The following LRCH3 variants were observed in gnomAD, a reference collection of about 807,000 sequenced individuals.
The protein encoded by LRCH3 is DISP complex protein LRCH3.
LRCH3 carries 68 observed loss-of-function variants against 104.5 expected under a neutral mutation model. The ratio of observed to expected loss-of-function variants is 0.65; its 90% CI spans 0.54 to 0.80. The LOEUF is 0.80. Among genes scored for constraint, LRCH3 ranks in the 30% least tolerant of loss-of-function variants. The pLI, the probability that LRCH3 is intolerant of heterozygous loss-of-function variation, is 0.00. For synonymous variants in LRCH3, 344 were observed against 361.3 expected, an observed-to-expected ratio of 0.95 and a Z score of 0.54; for missense variants, 951 against 953.9, an observed-to-expected ratio of 1.00 and a Z score of 0.04.
chr3:197,792,588 T>TATATATATATATATATATATATATAC (rs1730690988), intron 1 of LRCH3, among the ~76,000 whole-genome samples: 1 of 62,214 alleles, frequency 1.6e-5, no homozygotes, highest in Non-Finnish European at 3.2e-5. Context: ...TATATATATA[T>TATATATATATATATATATATATATAC]ATATATATAT....
chr3:197,828,744 GT>G (rs1440276190), intron 5 of LRCH3, among the ~76,000 whole-genome samples: 1 of 85,478 alleles, frequency 1.2e-5, no homozygotes, highest in East Asian at 3.3e-4. Context: ...TTTTGCTCTT[GT>G]TGCCCAGGCC....
intron 9 of LRCH3, among the ~76,000 whole-genome samples, chr3:197,838,456 T>TGGA (rs553511663): frequency 5.0e-4 from 75 of 149,014 alleles, no homozygotes; most frequent in African/African-American, 1.8e-3. Context: ...TGCTATTTCT[T>TGGA]GGAAGTAGAT....
rs1329241871 is a variant in LRCH3 at position 197,856,747 on chromosome 3, A to C, written c.1645-2087A>C. Among the ~76,000 whole-genome samples, 1 of 152,158 alleles carries C rather than the reference A, an allele frequency of 6.6e-6. No homozygotes were observed. The highest frequency in any genetic ancestry group is 1.5e-5 in the Non-Finnish European group (1 of 68,026). Reference sequence around the variant, plus strand: ...ACTAGACTATAAGCTTCATGAACACAAGGATATTCTATTTTGTCTTAATGT... The same window carrying C: ...ACTAGACTATAAGCTTCATGAACACCAGGATATTCTATTTTGTCTTAATGT... On this transcript the variant is annotated intron_variant, in intron 14 of 20. Coordinates refer to ENST00000425562, the MANE Select transcript of LRCH3 (RefSeq NM_001365715.1). This position sits in a 1 kb window ranked among gnomAD's most constrained non-coding sequence, Gnocchi z 4.2.
intron 19 of LRCH3, among the ~76,000 whole-genome samples, chr3:197,873,952 C>T (rs954237615): frequency 6.8e-6 from 1 of 146,530 alleles, no homozygotes; most frequent in Non-Finnish European, 1.5e-5. Context: ...GTCCAAGAGA[C>T]GGAGGTTGCA....
intron 10 of LRCH3, 22 bp from the exon 11 acceptor site, chr3:197,847,387 T>C: frequency 1.9e-6 from 3 of 1,567,278 alleles, no homozygotes; most frequent in Non-Finnish European, 2.6e-6. Context: ...TTTTTTTCTT[T>C]CTTTTTTCTT....
chr3:197,828,635 G>A (rs1252833103), intron 5 of LRCH3, among the ~76,000 whole-genome samples: 8 of 151,160 alleles, frequency 5.3e-5, no homozygotes, highest in African/African-American at 1.9e-4. Context: ...GTGAGCCACC[G>A]CGCCCGGCCC....
intron 15 of LRCH3, 49 bp from the exon 16 acceptor site, chr3:197,865,374 G>C: frequency 8.1e-7 from 1 of 1,240,076 alleles, no homozygotes. Context: ...AAAGTAGAAA[G>C]TATTTCTTCT....
At chr3:197,872,362 A>G (rs1489575222) in intron 19 of LRCH3, among the ~76,000 whole-genome samples, 3 of 29,426 alleles carry the variant, frequency 1.0e-4, no homozygotes, top group African/African-American at 4.6e-4. Flanking sequence ...GTCTCAAAGA[A>G]AAAAAAAAAA....
intron 10 of LRCH3, among the ~76,000 whole-genome samples, chr3:197,843,739 A>G (rs1481132664): frequency 4.6e-5 from 7 of 152,208 alleles, no homozygotes; most frequent in Admixed American, 3.9e-4. Context: ...TAGCTCAAGT[A>G]AGTTCAAGAT....
chr3:197,883,524 T>C lies in LRCH3; in HGVS notation c.2209-17T>C. 2.0e-6 allele frequency: 3 copies of C among 1,530,412 alleles called. No individual in the cohort carries two copies. Among genetic ancestry groups the C allele is most frequent in the Middle Eastern group, 1.7e-4 (1 of 5,968 alleles). 94.8% of individuals were successfully genotyped at this position (1,530,412 alleles called of 1,614,324 possible). A position where few individuals can be genotyped will look rare whatever the true frequency, so the allele number is the denominator to read the frequency against. On this transcript the variant is annotated splice_polypyrimidine_tract_variant and intron_variant, in intron 20 of 20. Coordinates refer to ENST00000425562, the MANE Select transcript of LRCH3 (RefSeq NM_001365715.1). The surrounding 1 kb of genome is among the most constrained non-coding windows in gnomAD (Gnocchi z 4.2). ...TTTTCTTTTTTGTTTGTTTTCATGTTACGTTGTCCCTTTCAGGAGCAATTA... is the reference window on the plus strand; with the variant it reads ...TTTTCTTTTTTGTTTGTTTTCATGTCACGTTGTCCCTTTCAGGAGCAATTA...
At chr3:197,808,295 C>A (rs570932648) in intron 1 of LRCH3, among the ~76,000 whole-genome samples, 1 of 152,320 alleles carries the variant, frequency 6.6e-6, no homozygotes, top group Admixed American at 6.5e-5. Flanking sequence ...ACCCTGCTAA[C>A]ACCTTCATCT....
intron 12 of LRCH3, chr3:197,850,873 T>A (rs1302266254): frequency 1.1e-6 from 1 of 933,842 alleles, no homozygotes; most frequent in East Asian, 2.4e-5. Flanking sequence ...CCACGAGTGT[T>A]CTTAAAGTGA....
At chr3:197,791,229 C>G, upstream of LRCH3, 1 of 1,586,602 alleles carries the variant, frequency 6.3e-7, no homozygotes, top group Non-Finnish European at 8.5e-7. Flanking sequence ...ACCCAGCGGT[C>G]CGGCCGCGCA....
At chr3:197,824,368 T>G (rs1232478617) in intron 4 of LRCH3, among the ~76,000 whole-genome samples, 1 of 145,324 alleles carries the variant, frequency 6.9e-6, no homozygotes, top group Non-Finnish European at 1.5e-5. Context: ...CGGCTTTTTT[T>G]TTTTTTTTCC....
At chr3:197,867,614 G>A (rs1206424393) in intron 17 of LRCH3, among the ~76,000 whole-genome samples, 1 of 152,044 alleles carries the variant, frequency 6.6e-6, no homozygotes, top group Non-Finnish European at 1.5e-5. Flanking sequence ...AGCACTTTGG[G>A]AGGCTGAGGC....
chr3:197,835,620 G>T (rs9285704), intron 8 of LRCH3, 54 bp from the exon 9 acceptor site: 31,285 of 1,400,912 alleles, frequency 0.022, 1,686 homozygotes, highest in African/African-American at 0.19. Context: ...TATCTAATTT[G>T]AATGTTTTTT....
At chr3:197,825,299 T>C (rs1735021852) in intron 4 of LRCH3, among the ~76,000 whole-genome samples, 1 of 151,872 alleles carries the variant, frequency 6.6e-6, no homozygotes, top group South Asian at 2.1e-4. Flanking sequence ...TGCTGGATAC[T>C]TGGTGGGCCC....
intron 20 of LRCH3, among the ~76,000 whole-genome samples, chr3:197,878,235 G>A (rs1450741007): frequency 3.3e-5 from 5 of 152,186 alleles, no homozygotes; most frequent in Admixed American, 2.0e-4. Context: ...AAGCCTGTCC[G>A]CGGGGCTTTC....
chr3:197,841,653 CT>C (rs1218484495), intron 10 of LRCH3, among the ~76,000 whole-genome samples: 1 of 152,088 alleles, frequency 6.6e-6, no homozygotes, highest in East Asian at 1.9e-4. Flanking sequence ...GTTTTTACTT[CT>C]TTTTGAAGGT....
Sources: gnomAD v4.1 joint callset for allele counts (sites outside exome capture counted in the v4.1 genomes callset) on GRCh38, gnomAD v4.1.1 for gene constraint, Gnocchi (gnomAD v3.1) non-coding constraint, MANE v1.5 for transcripts, NCBI Gene and HGNC (gene_info 2026-07-23, HGNC 2026-07-21) for gene names.